KIAA1586: variants seen among roughly 807,000 people sequenced by gnomAD.
KIAA1586 encodes the protein KIAA1586.
Under a neutral mutation model 6.1 loss-of-function variants are expected in KIAA1586, and 5 were observed. The observed-to-expected ratio is 0.82, with a 90% confidence interval of 0.43 to 1.73. KIAA1586 has a LOEUF of 1.73. Among genes scored for constraint, KIAA1586 ranks in the 40% most tolerant of loss-of-function variants. KIAA1586 has a pLI of 0.02. For synonymous variants in KIAA1586, 280 were observed against 301.7 expected (o/e 0.93, Z 0.75); for missense variants, 899 against 878.2 (o/e 1.02, Z -0.30).
At chr6:57,058,307 T>C (rs1417342377), downstream of KIAA1586, among the ~76,000 whole-genome samples, 1 of 152,208 alleles carries the variant, frequency 6.6e-6, no homozygotes, top group East Asian at 1.9e-4. Flanking sequence ...GATTTTTAAA[T>C]GGTCTCTACA....
chr6:57,054,404 A>G lies in KIAA1586; in HGVS notation c.1905A>G (p.Glu635=), dbSNP rs745416043. The part of the protein sequence containing the change: ...EDIFNYFDLL[E]PSTWPYEEIT... ...TTTTTAATTACTTTGATTTGCTGGA[A>G]CCTTCCACATGGCCTTATGAAGAAA... Residue 635 remains glutamate, a synonymous_variant, in exon 4 of 4, where the codon GAA becomes GAG. Transcript: ENST00000370733. 3 of 1,609,906 alleles carry G rather than the reference A, an allele frequency of 1.9e-6. No individual in the cohort carries two copies. Among genetic ancestry groups the G allele is most frequent in the Non-Finnish European group, 8.5e-7 (1 of 1,178,232 alleles).
chr6:57,063,478 G>A, the KIAA1586 span, among the ~76,000 whole-genome samples: 5 of 123,708 alleles, frequency 4.0e-5, no homozygotes, highest in Non-Finnish European at 6.5e-5. Context: ...TTTTGAGACG[G>A]CATCTTGCTC....
At chr6:57,066,652 C>T in the KIAA1586 span, among the ~76,000 whole-genome samples, 1 of 152,196 alleles carries the variant, frequency 6.6e-6, no homozygotes. Flanking sequence ...TCAGCTGTCA[C>T]TGATGCTCGC....
chr6:57,054,568 T>C lies in KIAA1586; in HGVS notation c.2069T>C (p.Ile690Thr). 5 of 1,608,418 alleles carry C rather than the reference T, an allele frequency of 3.1e-6. No individual in the cohort carries two copies. The highest frequency in any genetic ancestry group is 4.2e-6 in the Non-Finnish European group (5 of 1,176,472). Residue 690 changes from isoleucine (I) to threonine (T), a missense_variant, in exon 4 of 4, where the codon ATA (isoleucine) becomes ACA (threonine). Ile to Thr is a moderately conservative substitution (Grantham distance 89). Coordinates refer to ENST00000370733, the MANE Select transcript of KIAA1586 (RefSeq NM_020931.4). ...KSNNVSIPTTIYKAKKIVSTI... is the reference protein window; with the variant it reads ...KSNNVSIPTTTYKAKKIVSTI... ...AACAATGTTTCAATTCCTACAACTA[T>C]ATACAAAGCTAAAAAGATAGTTAGC... is the stretch of plus-strand genomic sequence containing the variant.
chr6:57,053,224 A>T lies in KIAA1586; in HGVS notation c.725A>T (p.Asn242Ile). The part of the protein sequence containing the change: ...CNLVHKQNNK[N>I]IDATVKVFNT... ...TTAGTGCATAAACAAAATAATAAAA[A>T]TATTGATGCTACTGTAAAAGTTTTC... The change falls in exon 4 of 4, where the codon AAT (asparagine) becomes ATT (isoleucine). Residue 242 changes from asparagine (N) to isoleucine (I), a missense_variant. By Grantham distance (149) the Asn-to-Ile change is moderately radical (BLOSUM62 -3). Transcript: ENST00000370733. The T allele has an allele frequency of 6.3e-7, 1 of 1,598,228 alleles. No homozygotes were observed. Among genetic ancestry groups the T allele is most frequent in the Non-Finnish European group, 8.5e-7 (1 of 1,174,234 alleles).
chr6:57,061,493 G>A, the KIAA1586 span, among the ~76,000 whole-genome samples: 1 of 151,282 alleles, frequency 6.6e-6, no homozygotes, highest in African/African-American at 2.4e-5. Flanking sequence ...TCCAGACTTG[G>A]GCAGTCCTCC....
At chr6:57,057,513 G>T (rs1186601316), downstream of KIAA1586, among the ~76,000 whole-genome samples, 3 of 152,084 alleles carry the variant, frequency 2.0e-5, no homozygotes, top group Non-Finnish European at 4.4e-5. Flanking sequence ...AGCACTTTAT[G>T]GGAGGCCGAG....
In KIAA1586 at chr6:57,054,491, T is replaced by C. The variant is rs1357415484; in HGVS notation, c.1992T>C (p.Tyr664=). The change falls in exon 4 of 4, where the codon TAT becomes TAC. Residue 664 remains tyrosine, a synonymous_variant. Coordinates refer to ENST00000370733, the MANE Select transcript of KIAA1586 (RefSeq NM_020931.4). ...TLFHLCKILK[Y]EVDLNDFREF... ...TTCATTTGTGTAAAATTTTAAAATA[T>C]GAAGTTGATTTGAATGATTTTCGGG... The C allele has an allele frequency of 3.8e-6, 6 of 1,594,780 alleles. No homozygotes were observed. The highest frequency in any genetic ancestry group is 1.7e-4 in the Middle Eastern group (1 of 5,970).
At chr6:57,056,679 G>T (rs1446974093), downstream of KIAA1586, among the ~76,000 whole-genome samples, 1 of 151,642 alleles carries the variant, frequency 6.6e-6, no homozygotes, top group Non-Finnish European at 1.5e-5. Flanking sequence ...TGGGAATACA[G>T]GTACATGCCA....
Position 57,054,074 on chromosome 6 carries a change from C to T in KIAA1586, c.1575C>T (p.Asp525=). ...KRLANINFLQ[D]LALMIDILEE... ...TAGCTAACATTAATTTCTTACAAGA[C>T]CTTGCTTTAATGATTGACATTCTTG... The change falls in exon 4 of 4, where the codon GAC becomes GAT. Residue 525 remains aspartate (D), a synonymous_variant. Coordinates refer to ENST00000370733, the MANE Select transcript of KIAA1586 (RefSeq NM_020931.4). The T allele has an allele frequency of 6.2e-7, 1 of 1,610,808 alleles. No individual in the cohort carries two copies. The highest frequency in any genetic ancestry group is 2.2e-5 in the East Asian group (1 of 44,818).
At chr6:57,052,642 A>C in intron 3 of KIAA1586, 44 bp from the exon 4 acceptor site, 1 of 1,450,002 alleles carries the variant, frequency 6.9e-7, no homozygotes, top group Non-Finnish European at 9.2e-7. Flanking sequence ...ATTGACCCTT[A>C]AAGTGTTATG....
At chr6:57,056,202 C>T (rs142832042), downstream of KIAA1586, among the ~76,000 whole-genome samples, 134 of 151,694 alleles carry the variant, frequency 8.8e-4, no homozygotes, top group South Asian at 1.7e-3. Context: ...GAGTGTGCCA[C>T]GACGCCTGCC....
chr6:57,063,522 C>T, the KIAA1586 span, among the ~76,000 whole-genome samples: 6 of 129,414 alleles, frequency 4.6e-5, no homozygotes, highest in Admixed American at 5.0e-4. Context: ...GGCACAATCT[C>T]GGCTCAATGC....
At chr6:57,050,379 A>G (rs1402377849) in intron 2 of KIAA1586, among the ~76,000 whole-genome samples, 1 of 148,932 alleles carries the variant, frequency 6.7e-6, no homozygotes, top group Non-Finnish European at 1.5e-5. Context: ...GTGTAATGGC[A>G]TAATTATAGC....
chr6:57,065,880 T>C, the KIAA1586 span, among the ~76,000 whole-genome samples: 2 of 152,240 alleles, frequency 1.3e-5, no homozygotes, highest in African/African-American at 4.8e-5. Flanking sequence ...ACTGAATACA[T>C]GGCCTATCTT....
downstream of KIAA1586, among the ~76,000 whole-genome samples, chr6:57,055,624 G>A (rs549635426): frequency 3.9e-5 from 6 of 152,208 alleles, no homozygotes; most frequent in South Asian, 1.2e-3. Context: ...AGTGATTCCT[G>A]TGTAAATTAT....
At chr6:57,064,351 A>G in the KIAA1586 span, among the ~76,000 whole-genome samples, 1 of 152,244 alleles carries the variant, frequency 6.6e-6, no homozygotes, top group Non-Finnish European at 1.5e-5. Flanking sequence ...TTTTCAGTCC[A>G]AAGGTAGTGC....
the KIAA1586 span, among the ~76,000 whole-genome samples, chr6:57,061,134 T>C: frequency 0.26 from 39,709 of 151,620 alleles, 5,609 homozygotes; most frequent in African/African-American, 0.36. Flanking sequence ...CGTGCCACCA[T>C]GCCCAGCTAA....
chr6:57,056,582 A>G (rs1203764030), downstream of KIAA1586, among the ~76,000 whole-genome samples: 2 of 146,830 alleles, frequency 1.4e-5, no homozygotes, highest in East Asian at 4.1e-4. Context: ...GGGTCCTGCT[A>G]TGTCACCCAA....
Sources: allele counts gnomAD v4.1 joint callset (sites outside exome capture counted in the v4.1 genomes callset), GRCh38; gene constraint gnomAD v4.1.1; transcripts MANE v1.5; gene names NCBI Gene and HGNC (gene_info 2026-07-23, HGNC 2026-07-21).